SKOR2: variants seen among roughly 807,000 people sequenced by gnomAD.
The protein encoded by SKOR2 is LBX1 corepressor 1-like protein.
In SKOR2, 47 loss-of-function variants were observed where a neutral mutation model predicts 69.1. The observed-to-expected ratio is 0.68, with a 90% confidence interval of 0.54 to 0.87. The LOEUF (loss-of-function observed/expected upper bound fraction) is 0.87. Among genes scored for constraint, SKOR2 ranks in the 40% least tolerant of loss-of-function variants. The pLI is 0.00. For missense variants in SKOR2, 1,404 were observed against 1,472.2 expected (o/e 0.95, Z 0.76); for synonymous variants, 717 against 672.6 (o/e 1.07, Z -1.02).
In SKOR2 at chr18:47,232,643, G is replaced by A. The variant is rs114204096; in HGVS notation, c.2753-1643C>T. On this transcript the variant is annotated intron_variant, in intron 4 of 8. Transcript: ENST00000425639. ...CCTTACTCCCCTTCCTCAGTCAGTG[G>A]GCCATGTGTTACTTGGCGGCAGAGG... is the stretch of plus-strand genomic sequence containing the variant. Among the ~76,000 whole-genome samples the A allele has an allele frequency of 2.5e-3, 384 of 152,206 alleles. 2 individuals are homozygous for A. The highest frequency in any genetic ancestry group is 8.7e-3 in the African/African-American group (363 of 41,526).
At chr18:47,232,732 A>C (rs886161289) in intron 4 of SKOR2, among the ~76,000 whole-genome samples, 2 of 152,232 alleles carry the variant, frequency 1.3e-5, no homozygotes, top group African/African-American at 4.8e-5. Flanking sequence ...AAGGGTCTGC[A>C]GTTGTTTCTG....
chr18:47,230,146 G>C (rs973413850), intron 6 of SKOR2, among the ~76,000 whole-genome samples: 9 of 151,262 alleles, frequency 5.9e-5, no homozygotes, highest in Non-Finnish European at 1.2e-4. Flanking sequence ...ATCTATAATC[G>C]AACTATATCT....
intron 6 of SKOR2, among the ~76,000 whole-genome samples, chr18:47,229,940 A>G (rs2064191593): frequency 6.6e-6 from 1 of 152,186 alleles, no homozygotes; most frequent in Non-Finnish European, 1.5e-5. Flanking sequence ...TGGGAAATCT[A>G]AAACTACTAA....
intron 4 of SKOR2, among the ~76,000 whole-genome samples, chr18:47,243,163 T>G (rs17785603): frequency 6.6e-6 from 1 of 152,032 alleles, no homozygotes; most frequent in Non-Finnish European, 1.5e-5. Flanking sequence ...CTCTAAGTGC[T>G]CATTGGTCGT....
At chr18:47,219,835 G>A in intron 7 of SKOR2, 108 bp downstream of exon 7, 1 of 955,922 alleles carries the variant, frequency 1.0e-6, no homozygotes. Flanking sequence ...TGAGAGGTAA[G>A]TGGACCAAAG....
At position 47,230,512 on chromosome 18, in the gene SKOR2, C is replaced by A; in HGVS notation, c.2864G>T (p.Arg955Leu). The A allele has an allele frequency of 1.4e-6, 2 of 1,444,492 alleles. No individual in the cohort carries two copies. The highest frequency in any genetic ancestry group is 9.0e-7 in the Non-Finnish European group (1 of 1,105,908). The allele number at this position is 1,444,492 out of a possible 1,614,324, so 89.5% of individuals were successfully genotyped here. The change falls in exon 6 of 9, where the codon CGA becomes CTA. Residue 955 changes from arginine to leucine, a missense_variant. Physicochemically the swap from Arg to Leu is moderately radical, Grantham distance 102. Coordinates refer to ENST00000425639, the MANE Select transcript of SKOR2 (RefSeq NM_001278063.4). Reference protein sequence around the residue: ...VLFEQIDLRRRLEQEFQVLKG... With the variant: ...VLFEQIDLRRLLEQEFQVLKG... ...TAACACCTGGAATTCTTGTTCCAGT[C>A]GTCTCCGTAAATCTATTTGTTCAAA...
chr18:47,246,496 T>G, intron 2 of SKOR2, 75 bp downstream of exon 2: 2 of 1,408,976 alleles, frequency 1.4e-6, no homozygotes, highest in African/African-American at 1.5e-5. Flanking sequence ...TTCCTGCGCA[T>G]ATGTAACCGA....
chr18:47,247,845 T>G lies in SKOR2; in HGVS notation c.1339A>C (p.Lys447Gln), dbSNP rs1255673692. 2 of 1,364,980 alleles carry G rather than the reference T, an allele frequency of 1.5e-6. No individual in the cohort carries two copies. The highest frequency in any genetic ancestry group is 6.2e-5 in the East Asian group (2 of 32,096). The allele number at this position is 1,364,980 out of a possible 1,614,324, so 84.6% of individuals were successfully genotyped here. A position where few individuals can be genotyped will look rare whatever the true frequency, so the allele number is the denominator to read the frequency against. Reference sequence around the variant, plus strand: ...CAGAAGAGGCCGGACAAGCCGGCCTTGGGCGCCGCGCCCGCGCCGCCTGCG... The same window carrying G: ...CAGAAGAGGCCGGACAAGCCGGCCTGGGGCGCCGCGCCCGCGCCGCCTGCG... ...AGAGGAGAAP[K>Q]AGLSGLFWPA... The change falls in exon 2 of 9, where the codon AAG becomes CAG. Residue 447 changes from lysine (K) to glutamine (Q), a missense_variant. Physicochemically the swap from Lys to Gln is moderately conservative, Grantham distance 53. Around this residue, in one of 3 missense-constraint regions of SKOR2, gnomAD observed 1,266 missense variants for 1,309.9 expected, o/e 0.97. Coordinates refer to ENST00000425639, the MANE Select transcript of SKOR2 (RefSeq NM_001278063.4). This position sits in a 1 kb window ranked among gnomAD's most constrained non-coding sequence, Gnocchi z 6.6.
At chr18:47,231,784 G>C (rs569953874) in intron 4 of SKOR2, among the ~76,000 whole-genome samples, 5 of 151,256 alleles carry the variant, frequency 3.3e-5, no homozygotes, top group African/African-American at 1.2e-4. Flanking sequence ...CGGAGGTTGC[G>C]GTGAGCTGAG....
chr18:47,227,819 GC>G (rs2064184038), intron 6 of SKOR2, among the ~76,000 whole-genome samples: 1 of 152,132 alleles, frequency 6.6e-6, no homozygotes, highest in Admixed American at 6.6e-5. Flanking sequence ...GGAATTATTT[GC>G]CCCATTTTAC....
chr18:47,248,458 G>A lies in SKOR2; in HGVS notation c.726C>T (p.Arg242=). The change falls in exon 2 of 9, where the codon CGC becomes CGT. Residue 242 remains arginine, a synonymous_variant. Transcript: ENST00000425639. This position sits in a 1 kb window ranked among gnomAD's most constrained non-coding sequence, Gnocchi z 6.4. ...GGTGCGCGCCCGGCTGGGGCAGTGC[G>A]CGCTTGCGGCTGCCGCCGTTGAACA... ...KAMFNGGSRK[R]ALPQPGAHPA... is the part of the protein sequence containing the mutation. 2 of 1,535,790 alleles carry A rather than the reference G, an allele frequency of 1.3e-6. No homozygotes were observed. Among genetic ancestry groups the A allele is most frequent in the Non-Finnish European group, 1.7e-6 (2 of 1,146,552 alleles).
In SKOR2 at chr18:47,249,222, C is replaced by T. The variant is rs1304031129; in HGVS notation, c.-39G>A. 4 of 1,511,996 alleles carry T rather than the reference C, an allele frequency of 2.6e-6. No individual in the cohort carries two copies. Among genetic ancestry groups the T allele is most frequent in the Non-Finnish European group, 3.5e-6 (4 of 1,134,358 alleles). 93.7% of individuals were successfully genotyped at this position (1,511,996 alleles called of 1,614,324 possible). A position where few individuals can be genotyped will look rare whatever the true frequency, so the allele number is the denominator to read the frequency against. ...CCCCGGGCCGAGCCCTACAGGTCTG[C>T]CTTGGACACTGGAAGGGAAAGGAGA... On this transcript the variant is annotated 5_prime_UTR_variant, in exon 2 of 9. Transcript: ENST00000425639.
At position 47,249,816 on chromosome 18, in the gene SKOR2, C is replaced by T. The variant is rs2064304932; in HGVS notation, c.-47-586G>A. Among the ~76,000 whole-genome samples the T allele has an allele frequency of 3.9e-5, 6 of 152,066 alleles. No homozygotes were observed. In the South Asian group the frequency reaches 1.2e-3, roughly 32 times the overall value. ...AAATCAGCCTTCTCCCTCACCCTTG[C>T]CATTAGATATTTTGTTACTGTAATT... On this transcript the variant is annotated intron_variant, in intron 1 of 8. Transcript: ENST00000425639.
Position 47,243,060 on chromosome 18 carries a change from A to G in SKOR2, c.2752+1848T>C, listed in dbSNP as rs141937814. On this transcript the variant is annotated intron_variant, in intron 4 of 8. Transcript: ENST00000425639. ...AACAAAACAAAATAATAATCCTTCC[A>G]AATTAAGTTCTTGACAGTGCCACTG... is the stretch of plus-strand genomic sequence containing the variant. 2.0e-4 allele frequency among the ~76,000 whole-genome samples: 31 copies of G among 152,350 alleles called. No homozygotes were observed. The East Asian group carries it at 5.8e-3, about 28-fold the overall frequency.
intron 4 of SKOR2, among the ~76,000 whole-genome samples, chr18:47,241,296 T>G (rs1440951159): frequency 6.6e-6 from 1 of 152,202 alleles, no homozygotes; most frequent in Non-Finnish European, 1.5e-5. Context: ...TAAAGAATAC[T>G]GGATAAAACA....
intron 4 of SKOR2, among the ~76,000 whole-genome samples, chr18:47,234,900 C>T (rs2064215662): frequency 6.9e-6 from 1 of 144,962 alleles, no homozygotes; most frequent in East Asian, 2.0e-4. Flanking sequence ...GGAAGCACAG[C>T]AATTCTAACA....
chr18:47,230,979 T>C lies in SKOR2; in HGVS notation c.2774A>G (p.Asn925Ser), dbSNP rs2064195715. ...ERSGEHTQET[N>S]SPHSLKKDVE... is the part of the protein sequence containing the mutation. The stretch of plus-strand genomic sequence containing the variant: ...ATCCTTTTTCAGTGAATGAGGTGAG[T>C]TGGTTTCTTGTGTATGTTCACCTTT... Residue 925 changes from asparagine (N) to serine (S), a missense_variant, in exon 5 of 9, where the codon AAC becomes AGC. Transcript: ENST00000425639. The C allele has an allele frequency of 2.0e-6, 3 of 1,535,744 alleles. No homozygotes were observed. The highest frequency in any genetic ancestry group is 2.6e-6 in the Non-Finnish European group (3 of 1,146,786).
chr18:47,223,595 A>G (rs1291203188), intron 6 of SKOR2, among the ~76,000 whole-genome samples: 2 of 152,238 alleles, frequency 1.3e-5, no homozygotes, highest in Non-Finnish European at 2.9e-5. Context: ...ACATAACAGT[A>G]TATTTATACA....
rs567977223 is a variant in SKOR2, at chr18:47,212,878, C to T, written c.2986-727G>A. Among the ~76,000 whole-genome samples, 13 of 152,196 alleles carry T rather than the reference C, an allele frequency of 8.5e-5. No homozygotes were observed. The South Asian group carries it at 2.3e-3, about 27-fold the overall frequency. On this transcript the variant is annotated intron_variant, in intron 7 of 8. Coordinates refer to ENST00000425639, the MANE Select transcript of SKOR2 (RefSeq NM_001278063.4). ...ACTTGGGAGGCTGAGGTGGGAAGAA[C>T]GCTTGAGCCCAGAAGGTCAAGGCGG...
Sources: gnomAD v4.1 joint callset for allele counts (sites outside exome capture counted in the v4.1 genomes callset) on GRCh38, gnomAD v4.1.1 for gene constraint, gnomAD v4.1.1 regional missense constraint, Gnocchi (gnomAD v3.1) non-coding constraint, MANE v1.5 for transcripts, NCBI Gene and HGNC (gene_info 2026-07-23, HGNC 2026-07-21) for gene names.